Variants in XIRP2 observed in about 807,000 individuals in gnomAD.
XIRP2 encodes the protein xin actin binding repeat containing 2.
In XIRP2, 236 loss-of-function variants were observed where a neutral mutation model predicts 277.0. The ratio of observed to expected loss-of-function variants is 0.85; its 90% CI spans 0.77 to 0.95. XIRP2 has a LOEUF of 0.95. Ranked by LOEUF, XIRP2 falls within the 40% of genes least tolerant of loss-of-function variation. XIRP2 has a pLI of 0.00. For synonymous variants in XIRP2, 1,490 were observed against 1,416.5 expected (o/e 1.05, Z -1.17); for missense variants, 4,640 against 4,157.5 (o/e 1.12, Z -3.19).
intron 2 of XIRP2, among the ~76,000 whole-genome samples, chr2:167,106,994 TTTTATA>T (rs1386574015): frequency 6.6e-6 from 1 of 151,292 alleles, no homozygotes; most frequent in East Asian, 1.9e-4. Context: ...AATACAATAA[TTTTATA>T]TTTATAATTT....
chr2:167,037,516 GGGGTGTGT>G lies in XIRP2; in HGVS notation c.409-98391_409-98384del, dbSNP rs1338186591. Among the ~76,000 whole-genome samples the G allele has an allele frequency of 3.9e-4, 43 of 109,094 alleles. 1 individual carries two copies. The highest frequency in any genetic ancestry group is 2.4e-3 in the South Asian group (8 of 3,268). The allele number at this position is 109,094 out of a possible 152,430, so 71.6% of individuals were successfully genotyped here. On this transcript the variant is annotated intron_variant, in intron 2 of 10. Transcript: ENST00000409195. ...TTTGGCTTGAGGTTTTTTCATGTGGGGGGTGTGTGTGTGTGTGTGTGTGTGTGTGTGTG... is the reference window on the plus strand; with the variant it reads ...TTTGGCTTGAGGTTTTTTCATGTGGGGTGTGTGTGTGTGTGTGTGTGTGTG...
intron 2 of XIRP2, among the ~76,000 whole-genome samples, chr2:166,939,699 C>CAAAAAAAAAAAAAAAA (rs796839379): frequency 8.3e-6 from 1 of 120,432 alleles, no homozygotes; most frequent in African/African-American, 3.3e-5. Flanking sequence ...AAAAAAAAAA[C>CAAAAAAAAAAAAAAAA]AAAAAACAAA....
intron 3 of XIRP2, among the ~76,000 whole-genome samples, chr2:167,156,930 G>T (rs1692220315): frequency 6.6e-6 from 1 of 151,924 alleles, no homozygotes; most frequent in African/African-American, 2.4e-5. Flanking sequence ...CCTCTTCTGG[G>T]TTTCCCTCTT....
At chr2:166,996,139 T>C (rs1006832603) in intron 2 of XIRP2, among the ~76,000 whole-genome samples, 1 of 152,162 alleles carries the variant, frequency 6.6e-6, no homozygotes, top group Admixed American at 6.6e-5. Flanking sequence ...TCTTTTCTTA[T>C]ATTTAGTCTT....
chr2:166,996,872 C>T (rs894577353), intron 2 of XIRP2, among the ~76,000 whole-genome samples: 6 of 152,078 alleles, frequency 3.9e-5, no homozygotes, highest in Non-Finnish European at 7.4e-5. Context: ...ACCTCTGTTT[C>T]GAAATTAACC....
At chr2:167,043,016 G>A (rs572664155) in intron 2 of XIRP2, among the ~76,000 whole-genome samples, 4 of 151,870 alleles carry the variant, frequency 2.6e-5, no homozygotes, top group African/African-American at 7.3e-5. Flanking sequence ...CATAGAAATC[G>A]ATACCAAGAA....
rs1694009497 is a variant in XIRP2 at position 167,210,904 on chromosome 2, C to T, written c.723+9C>T. ...GCAGCTTCTCTGCTAATGTAAGCTG[C>T]TCCTAATGGTTTTGCACTAGGCAAT... On this transcript the variant is annotated intron_variant, in intron 4 of 10. Transcript: ENST00000409195. The T allele has an allele frequency of 1.2e-6, 2 of 1,613,780 alleles. No individual in the cohort carries two copies. The highest frequency in any genetic ancestry group is 2.2e-5 in the East Asian group (1 of 44,862).
intron 2 of XIRP2, among the ~76,000 whole-genome samples, chr2:167,054,205 G>T (rs900146433): frequency 6.6e-6 from 1 of 152,142 alleles, no homozygotes; most frequent in Non-Finnish European, 1.5e-5. Flanking sequence ...AATGCACATT[G>T]AACTATCCTT....
At chr2:167,209,852 A>T (rs1693971857) in intron 3 of XIRP2, among the ~76,000 whole-genome samples, 1 of 152,152 alleles carries the variant, frequency 6.6e-6, no homozygotes, top group Non-Finnish European at 1.5e-5. Flanking sequence ...TCACATAAGG[A>T]AACATTCAGG....
At chr2:167,136,999 C>T (rs551367518) in intron 3 of XIRP2, among the ~76,000 whole-genome samples, 6 of 152,294 alleles carry the variant, frequency 3.9e-5, no homozygotes, top group East Asian at 3.9e-4. Context: ...AAATGCAGAA[C>T]CTTCGGCCTC....
intron 2 of XIRP2, among the ~76,000 whole-genome samples, chr2:167,118,591 A>G (rs1390628119): frequency 6.6e-6 from 1 of 152,178 alleles, no homozygotes; most frequent in Non-Finnish European, 1.5e-5. Flanking sequence ...CCGTTCGAGT[A>G]CACAGCATTC....
chr2:167,082,992 G>C (rs1372135198), intron 2 of XIRP2, among the ~76,000 whole-genome samples: 1 of 152,212 alleles, frequency 6.6e-6, no homozygotes, highest in East Asian at 1.9e-4. Context: ...CATTGCTTTT[G>C]GTGTTTTAGA....
chr2:166,894,770 T>C (rs548307923), intron 1 of XIRP2, among the ~76,000 whole-genome samples: 10 of 152,262 alleles, frequency 6.6e-5, no homozygotes, highest in Admixed American at 3.3e-4. Context: ...CTTGCCAACA[T>C]AGAATTTTCA....
At position 167,250,161 on chromosome 2, in the gene XIRP2, C is replaced by A; in HGVS notation, c.8769C>A (p.Asn2923Lys). The A allele has an allele frequency of 6.2e-7, 1 of 1,613,480 alleles. No individual in the cohort carries two copies. The highest frequency in any genetic ancestry group is 1.1e-5 in the South Asian group (1 of 91,038). Reference sequence around the variant, plus strand: ...ATTCAAAGCAAGAGATTACACAGAACAAATCTTTCTTTTCCTCTGTGAAAG... The same window carrying A: ...ATTCAAAGCAAGAGATTACACAGAAAAAATCTTTCTTTTCCTCTGTGAAAG... ...TKDSKQEITQNKSFFSSVKES... is the reference protein window; with the variant it reads ...TKDSKQEITQKKSFFSSVKES... The change falls in exon 9 of 11, where the codon AAC becomes AAA. Residue 2923 changes from asparagine (N) to lysine (K), a missense_variant. Physicochemically the swap from Asn to Lys is moderately conservative, Grantham distance 94. Transcript: ENST00000409195.
rs1401644785 is a variant in XIRP2, at chr2:167,177,893, T to C, written c.563-32842T>C. Among the ~76,000 whole-genome samples the C allele has an allele frequency of 2.6e-5, 4 of 152,224 alleles. No individual in the cohort carries two copies. The East Asian group carries it at 7.7e-4, about 29-fold the overall frequency. On this transcript the variant is annotated intron_variant, in intron 3 of 10. Coordinates refer to ENST00000409195, the MANE Select transcript of XIRP2 (RefSeq NM_152381.6). ...TTATTGATTGCATCGTTTTTTCTAA[T>C]AGAAGAATTCTGGAAGCAACCTAAA...
intron 2 of XIRP2, among the ~76,000 whole-genome samples, chr2:167,024,998 T>C (rs554875844): frequency 1.8e-4 from 28 of 152,168 alleles, no homozygotes; most frequent in Non-Finnish European, 3.2e-4. Flanking sequence ...TCCCTCTTTT[T>C]CTATTGATTG....
chr2:167,128,073 T>A (rs1558989882), intron 2 of XIRP2, among the ~76,000 whole-genome samples: 1 of 152,204 alleles, frequency 6.6e-6, no homozygotes, highest in Non-Finnish European at 1.5e-5. Flanking sequence ...TCACCCTGTT[T>A]TATCAATTTC....
At chr2:167,083,966 T>C (rs1483217760) in intron 2 of XIRP2, among the ~76,000 whole-genome samples, 1 of 151,134 alleles carries the variant, frequency 6.6e-6, no homozygotes, top group East Asian at 1.9e-4. Flanking sequence ...GGCCAGAACT[T>C]CCAACACTAT....
In XIRP2 at chr2:167,243,468, G is replaced by T; in HGVS notation, c.2076G>T (p.Val692=). Residue 692 remains valine (V), a synonymous_variant, in exon 9 of 11, where the codon GTG becomes GTT. Coordinates refer to ENST00000409195, the MANE Select transcript of XIRP2 (RefSeq NM_152381.6). ...TAACTGGGGGGGATGTCAAGACTGT[G>T]AGATACATGTTTGAAACTCAACATC... ...KDITGGDVKT[V]RYMFETQHLD... is the part of the protein sequence containing the mutation. 1 of 1,614,092 alleles carries T rather than the reference G, an allele frequency of 6.2e-7. No homozygotes were observed. Among genetic ancestry groups the T allele is most frequent in the Non-Finnish European group, 8.5e-7 (1 of 1,179,990 alleles).
Sources: gnomAD v4.1 joint callset for allele counts (sites outside exome capture counted in the v4.1 genomes callset) on GRCh38, gnomAD v4.1.1 for gene constraint, MANE v1.5 for transcripts, NCBI Gene and HGNC (gene_info 2026-07-23, HGNC 2026-07-21) for gene names.